Variants in DNAH14 observed in about 807,000 individuals in gnomAD.
DNAH14 encodes the protein dynein axonemal heavy chain 14, also known as axonemal beta dynein heavy chain 14.
Under a neutral mutation model 520.9 loss-of-function variants are expected in DNAH14, and 478 were observed. The observed-to-expected ratio is 0.92, with a 90% CI of 0.85 to 0.99. The LOEUF (loss-of-function observed/expected upper bound fraction) is 0.99, where lower values mean the gene tolerates loss of function less well. Among genes scored for constraint, DNAH14 ranks in the 50% least tolerant of loss-of-function variants. The pLI is 0.00. For synonymous variants in DNAH14, 1,581 were observed against 1,757.2 expected, an observed-to-expected ratio of 0.90 and a Z score of 2.51; for missense variants, 4,831 against 5,234.5, an observed-to-expected ratio of 0.92 and a Z score of 2.38.
In DNAH14 at chr1:225,335,385, A is replaced by G. The variant is rs1209236570; in HGVS notation, c.10080+1879A>G. On this transcript the variant is annotated intron_variant, in intron 66 of 85. Coordinates refer to ENST00000682510, the MANE Select transcript of DNAH14 (RefSeq NM_001367479.1). ...CACGTGTACATGTGTGTGTATATGCACATATACACATGTGTACATGTGTGT... is the reference window on the plus strand; with the variant it reads ...CACGTGTACATGTGTGTGTATATGCGCATATACACATGTGTACATGTGTGT... 1.1e-4 allele frequency among the ~76,000 whole-genome samples: 11 copies of G among 103,518 alleles called. 1 individual carries two copies. In the South Asian group the frequency reaches 1.5e-3, roughly 14 times the overall value. 67.9% of individuals were successfully genotyped at this position (103,518 alleles called of 152,430 possible). A position where few individuals can be genotyped will look rare whatever the true frequency, so the allele number is the denominator to read the frequency against.
rs1374175211 is a variant in DNAH14 at position 225,207,219 on chromosome 1, A to G, written c.6438A>G (p.Gln2146=). The G allele has an allele frequency of 2.3e-5, 35 of 1,511,840 alleles. No homozygotes were observed. Among genetic ancestry groups the G allele is most frequent in the Non-Finnish European group, 3.0e-5 (34 of 1,127,726 alleles). The allele number at this position is 1,511,840 out of a possible 1,614,324, so 93.7% of individuals were successfully genotyped here. ...TGGGTAAAAATGGAGGATTTGAACA[A>G]AGTGAGTTTTTTTCTCTAAGTCATA... is the stretch of plus-strand genomic sequence containing the variant. ...DFMGKNGGFE[Q]SDDLNDTSSK... Residue 2146 remains glutamine (Q), a splice_region_variant and synonymous_variant, in exon 41 of 86, where the codon CAA becomes CAG. Transcript: ENST00000682510.
intron 1 of DNAH14, among the ~76,000 whole-genome samples, chr1:224,945,080 C>A (rs2059705037): frequency 6.6e-6 from 1 of 152,198 alleles, no homozygotes; most frequent in African/African-American, 2.4e-5. Context: ...TAATATCCTG[C>A]AGAGTGTTTT....
At chr1:225,205,838 A>C in intron 39 of DNAH14, 133 bp from the exon 40 acceptor site, 1 of 678,662 alleles carries the variant, frequency 1.5e-6, no homozygotes, top group Non-Finnish European at 2.5e-6. Context: ...ATATAAACAC[A>C]TTCACTCTAG....
intron 51 of DNAH14, among the ~76,000 whole-genome samples, chr1:225,272,509 G>T (rs899223377): frequency 6.6e-6 from 1 of 152,176 alleles, no homozygotes; most frequent in South Asian, 2.1e-4. Context: ...ATCAATTCTT[G>T]AATTTGATAC....
chr1:225,140,648 CACTT>C (rs903004780), intron 27 of DNAH14, 116 bp from the exon 28 acceptor site: 110 of 807,046 alleles, frequency 1.4e-4, no homozygotes, highest in African/African-American at 3.1e-4. Context: ...CTTACACAAA[CACTT>C]ACATACACAC....
chr1:225,085,275 T>C (rs554572217), intron 20 of DNAH14, among the ~76,000 whole-genome samples: 1 of 152,206 alleles, frequency 6.6e-6, no homozygotes, highest in Admixed American at 6.5e-5. Context: ...ATACAGAAGG[T>C]GTATACTCTT....
intron 60 of DNAH14, among the ~76,000 whole-genome samples, chr1:225,314,297 T>G (rs149595593): frequency 2.3e-3 from 349 of 152,376 alleles, no homozygotes; most frequent in Non-Finnish European, 3.7e-3. Flanking sequence ...TTGGTAAATC[T>G]TCCTCCAGCC....
Position 225,079,337 on chromosome 1 carries a change from C to G in DNAH14, c.2555C>G (p.Ser852Cys). The change falls in exon 18 of 86, where the codon TCT becomes TGT. Residue 852 changes from serine to cysteine, a missense_variant. Physicochemically the swap from Ser to Cys is moderately radical, Grantham distance 112. Transcript: ENST00000682510. ...TTAGAAAAAGAGTTCTTAACAATGT[C>G]TCAGCTATATTCTGTTGCAAAGCAT... ...SKLEKEFLTM[S>C]QLYSVAKHHQ... 3.2e-6 allele frequency: 5 copies of G among 1,550,602 alleles called. No homozygotes were observed. Among genetic ancestry groups the G allele is most frequent in the Non-Finnish European group, 4.4e-6 (5 of 1,146,716 alleles).
Position 225,367,821 on chromosome 1 carries a change from C to T in DNAH14, c.12107C>T (p.Pro4036Leu). The part of the protein sequence containing the change: ...KKGLKIAVES[P>L]QGLKSNLLQT... ...GTTTTCAAGATTGCCGTGGAATCTCCCCAGGGATTGAAAAGTAACTTACTT... is the reference window on the plus strand; with the variant it reads ...GTTTTCAAGATTGCCGTGGAATCTCTCCAGGGATTGAAAAGTAACTTACTT... The change falls in exon 77 of 86, where the codon CCC becomes CTC. Residue 4036 changes from proline (P) to leucine (L), a missense_variant. By Grantham distance (98) the Pro-to-Leu change is moderately conservative. Coordinates refer to ENST00000682510, the MANE Select transcript of DNAH14 (RefSeq NM_001367479.1). The T allele has an allele frequency of 1.9e-6, 3 of 1,551,208 alleles. No individual in the cohort carries two copies. The highest frequency in any genetic ancestry group is 2.6e-6 in the Non-Finnish European group (3 of 1,146,618).
At chr1:225,368,649 C>T (rs544320735) in intron 77 of DNAH14, among the ~76,000 whole-genome samples, 12 of 152,128 alleles carry the variant, frequency 7.9e-5, no homozygotes, top group Admixed American at 2.6e-4. Flanking sequence ...GTGCTTCCAG[C>T]GTACAACATT....
At chr1:225,220,051 G>A (rs549720086) in intron 41 of DNAH14, among the ~76,000 whole-genome samples, 52 of 152,056 alleles carry the variant, frequency 3.4e-4, no homozygotes, top group Non-Finnish European at 5.7e-4. Flanking sequence ...AACCAATGTC[G>A]AAAATCATGT....
chr1:225,361,026 T>A, intron 75 of DNAH14, 135 bp downstream of exon 75: 2 of 791,426 alleles, frequency 2.5e-6, no homozygotes, highest in Non-Finnish European at 4.0e-6. Context: ...AAACTTAACC[T>A]ATCTTATATT....
intron 1 of DNAH14, among the ~76,000 whole-genome samples, chr1:224,942,877 T>C (rs1332846029): frequency 6.6e-6 from 1 of 152,162 alleles, no homozygotes; most frequent in Non-Finnish European, 1.5e-5. Context: ...GTGGATAAGC[T>C]TTTTGATGTG....
At chr1:225,300,351 T>C (rs1024104859) in intron 55 of DNAH14, among the ~76,000 whole-genome samples, 4 of 152,296 alleles carry the variant, frequency 2.6e-5, no homozygotes, top group African/African-American at 4.8e-5. Context: ...GTTTCTCTAA[T>C]GTTTAAATGA....
At chr1:225,034,864 G>A (rs2066828892) in intron 11 of DNAH14, among the ~76,000 whole-genome samples, 1 of 152,064 alleles carries the variant, frequency 6.6e-6, no homozygotes, top group African/African-American at 2.4e-5. Context: ...TGTGCACGGA[G>A]GTGTTTGTAG....
chr1:224,956,894 T>G (rs2060549977), intron 3 of DNAH14, among the ~76,000 whole-genome samples: 1 of 152,068 alleles, frequency 6.6e-6, no homozygotes, highest in African/African-American at 2.4e-5. Flanking sequence ...ACTCTGAGCC[T>G]TTTGCTATTT....
At chr1:225,094,095 A>G (rs2074662814) in intron 21 of DNAH14, among the ~76,000 whole-genome samples, 1 of 152,204 alleles carries the variant, frequency 6.6e-6, no homozygotes, top group South Asian at 2.1e-4. Flanking sequence ...TTATCATGCT[A>G]CCAATGACAT....
chr1:224,942,638 G>A (rs2059502997), intron 1 of DNAH14, among the ~76,000 whole-genome samples: 1 of 152,050 alleles, frequency 6.6e-6, no homozygotes, highest in Admixed American at 6.6e-5. Context: ...ATTGGCTGTG[G>A]GTTTGTCATA....
chr1:225,345,907 A>G, intron 69 of DNAH14, 55 bp from the exon 70 acceptor site: 1 of 1,402,562 alleles, frequency 7.1e-7, no homozygotes, highest in Middle Eastern at 1.8e-4. Flanking sequence ...GTGAGGAAAT[A>G]GCCATTTACT....
Sources: allele counts gnomAD v4.1 joint callset (sites outside exome capture counted in the v4.1 genomes callset), GRCh38; gene constraint gnomAD v4.1.1; transcripts MANE v1.5; gene names NCBI Gene and HGNC (gene_info 2026-07-23, HGNC 2026-07-21).